The following XKR9 variants were observed in gnomAD, a reference collection of about 807,000 sequenced individuals.
The protein encoded by XKR9 is XK-related protein 9.
XKR9 carries 32 observed loss-of-function variants against 32.0 expected under a neutral mutation model. The ratio of observed to expected loss-of-function variants is 1.00; its 90% confidence interval spans 0.76 to 1.34. XKR9 has a LOEUF of 1.34. Among genes scored for constraint, XKR9 ranks in the 40% most tolerant of loss-of-function variants. The probability of loss-of-function intolerance (pLI) is 0.00; values close to 1 mark genes in which losing one functional copy is unlikely to be tolerated. For missense variants in XKR9, 546 were observed against 429.7 expected, an observed-to-expected ratio of 1.27 and a Z score of -2.39; for synonymous variants, 168 against 143.4, an observed-to-expected ratio of 1.17 and a Z score of -1.22.
At chr8:70,907,534 T>A in the XKR9 span, among the ~76,000 whole-genome samples, 2 of 152,190 alleles carry the variant, frequency 1.3e-5, no homozygotes, top group South Asian at 4.1e-4. Context: ...ACAGCATATA[T>A]GCACTGAAGA....
chr8:70,755,599 G>A (rs1045978617), intron 2 of XKR9, among the ~76,000 whole-genome samples: 3 of 152,080 alleles, frequency 2.0e-5, no homozygotes, highest in East Asian at 1.9e-4. Flanking sequence ...ATGAGTTCAT[G>A]TCCTTTGTAG....
At chr8:70,825,994 A>G in the XKR9 span, among the ~76,000 whole-genome samples, 2 of 152,116 alleles carry the variant, frequency 1.3e-5, no homozygotes, top group Non-Finnish European at 2.9e-5. Context: ...TTTGTAATCA[A>G]TTTTAAATAA....
the XKR9 span, among the ~76,000 whole-genome samples, chr8:71,059,449 T>C: frequency 4.1e-3 from 628 of 152,360 alleles, 7 homozygotes; most frequent in African/African-American, 0.014. Context: ...CTTTTCTTTT[T>C]GAACCCTGGG....
At chr8:70,766,715 A>G (rs1487425816) in intron 2 of XKR9, among the ~76,000 whole-genome samples, 1 of 152,140 alleles carries the variant, frequency 6.6e-6, no homozygotes, top group Non-Finnish European at 1.5e-5. Context: ...CCCATTCAGT[A>G]TGATATTGGC....
the XKR9 span, among the ~76,000 whole-genome samples, chr8:70,923,656 T>C: frequency 6.6e-6 from 1 of 152,330 alleles, no homozygotes; most frequent in South Asian, 2.1e-4. Flanking sequence ...CACTGACTTC[T>C]CCTCTGACAT....
the XKR9 span, among the ~76,000 whole-genome samples, chr8:71,062,253 G>A: frequency 6.6e-6 from 1 of 152,108 alleles, no homozygotes; most frequent in Non-Finnish European, 1.5e-5. Flanking sequence ...GATGCTATAA[G>A]AAAATACCAT....
chr8:70,826,054 A>C, the XKR9 span, among the ~76,000 whole-genome samples: 51 of 152,260 alleles, frequency 3.3e-4, no homozygotes, highest in African/African-American at 1.2e-3. Flanking sequence ...TAGAGACCTC[A>C]GAATAGTAGA....
At chr8:70,708,782 G>C (rs946040365) in intron 4 of XKR9, among the ~76,000 whole-genome samples, 3 of 151,716 alleles carry the variant, frequency 2.0e-5, no homozygotes, top group Admixed American at 1.3e-4. Flanking sequence ...TATGTTATAC[G>C]AGTTCTGAGA....
chr8:70,708,460 G>C (rs1805797720), intron 4 of XKR9, among the ~76,000 whole-genome samples: 1 of 152,028 alleles, frequency 6.6e-6, no homozygotes, highest in South Asian at 2.1e-4. Flanking sequence ...TAACAATAGA[G>C]GAATTGGTAA....
At chr8:70,719,077 G>C (rs1439954235) in intron 4 of XKR9, among the ~76,000 whole-genome samples, 2 of 151,878 alleles carry the variant, frequency 1.3e-5, no homozygotes, top group Non-Finnish European at 2.9e-5. Flanking sequence ...GTTATGATGA[G>C]TTTTTTTTCA....
At chr8:70,754,848 C>T (rs1255184139) in intron 2 of XKR9, among the ~76,000 whole-genome samples, 1 of 152,064 alleles carries the variant, frequency 6.6e-6, no homozygotes, top group Non-Finnish European at 1.5e-5. Flanking sequence ...AGGACACAGG[C>T]ATGGGCAAGG....
intron 3 of XKR9, among the ~76,000 whole-genome samples, chr8:70,706,337 A>G (rs1341844099): frequency 6.6e-6 from 1 of 151,962 alleles, no homozygotes; most frequent in African/African-American, 2.4e-5. Flanking sequence ...AGTTTTATAT[A>G]TTTTCTGGGA....
At chr8:70,850,448 A>G in the XKR9 span, among the ~76,000 whole-genome samples, 14 of 143,700 alleles carry the variant, frequency 9.7e-5, no homozygotes, top group South Asian at 3.2e-3. Flanking sequence ...CTGGTGACAC[A>G]GCAAGACTCC....
chr8:70,991,304 G>A, the XKR9 span, among the ~76,000 whole-genome samples: 1 of 152,092 alleles, frequency 6.6e-6, no homozygotes, highest in Non-Finnish European at 1.5e-5. Context: ...CCAGAATCTT[G>A]CCTGAAAGTA....
At chr8:70,677,084 A>G (rs1818910471) in intron 2 of XKR9, among the ~76,000 whole-genome samples, 1 of 151,774 alleles carries the variant, frequency 6.6e-6, no homozygotes, top group Non-Finnish European at 1.5e-5. Context: ...CTCAGACTAT[A>G]AAGTTTTCCT....
the XKR9 span, among the ~76,000 whole-genome samples, chr8:70,867,967 A>G: frequency 6.6e-6 from 1 of 152,208 alleles, no homozygotes; most frequent in Non-Finnish European, 1.5e-5. Flanking sequence ...AGCCCCATGC[A>G]AGTCCAAAAT....
chr8:70,998,862 C>T, the XKR9 span, among the ~76,000 whole-genome samples: 5 of 152,142 alleles, frequency 3.3e-5, no homozygotes, highest in South Asian at 2.1e-4. Context: ...AGTTGTCCCT[C>T]GGTGTCTGTG....
chr8:70,916,646 A>C, the XKR9 span, among the ~76,000 whole-genome samples: 1 of 152,172 alleles, frequency 6.6e-6, no homozygotes, highest in South Asian at 2.1e-4. Context: ...TGGCACTTCT[A>C]TAAAAATTTT....
chr8:71,035,152 G>A, the XKR9 span, among the ~76,000 whole-genome samples: 1 of 152,128 alleles, frequency 6.6e-6, no homozygotes, highest in Non-Finnish European at 1.5e-5. Flanking sequence ...TTTTATTGCT[G>A]TCATTGCCTA....
Sources: allele counts gnomAD v4.1 joint callset (sites outside exome capture counted in the v4.1 genomes callset), GRCh38; gene constraint gnomAD v4.1.1; transcripts MANE v1.5; gene names NCBI Gene and HGNC (gene_info 2026-07-23, HGNC 2026-07-21).